ADAMTSL1: variants seen among roughly 807,000 people sequenced by gnomAD.
ADAMTSL1 encodes the protein ADAMTS like 1, also known as ADAMTS-like protein 1.
In ADAMTSL1, 126 loss-of-function variants were observed where a neutral mutation model predicts 201.8. The ratio of observed to expected loss-of-function variants is 0.62; its 90% CI spans 0.54 to 0.72. ADAMTSL1 has a LOEUF of 0.72. ADAMTSL1 is among the 30% of genes least tolerant of loss of function. The pLI, the probability that ADAMTSL1 is intolerant of heterozygous loss-of-function variation, is 0.00. For synonymous variants in ADAMTSL1, 1,121 were observed against 903.4 expected (o/e 1.24, Z -4.32); for missense variants, 2,679 against 2,277.8 (o/e 1.18, Z -3.59).
chr9:18,601,662 G>T (rs1053935427), intron 4 of ADAMTSL1, among the ~76,000 whole-genome samples: 2 of 151,836 alleles, frequency 1.3e-5, no homozygotes, highest in African/African-American at 4.8e-5. Flanking sequence ...TTAGGGATTT[G>T]GTCTATATGA....
intron 15 of ADAMTSL1, among the ~76,000 whole-genome samples, chr9:18,744,645 C>G (rs755414014): frequency 2.0e-5 from 3 of 152,222 alleles, no homozygotes; most frequent in African/African-American, 4.8e-5. Flanking sequence ...CATAACAGCC[C>G]TGGGAAGTAG....
intron 2 of ADAMTSL1, among the ~76,000 whole-genome samples, chr9:18,417,173 T>C (rs377669516): frequency 6.6e-6 from 1 of 151,868 alleles, no homozygotes; most frequent in Admixed American, 6.6e-5. Flanking sequence ...AAGTAAGCCA[T>C]GTACCAAAGA....
intron 1 of ADAMTSL1, among the ~76,000 whole-genome samples, chr9:18,112,443 G>T (rs1825064511): frequency 6.6e-6 from 1 of 151,618 alleles, no homozygotes; most frequent in African/African-American, 2.4e-5. Context: ...AGACTCAGTT[G>T]CCCATAACAG....
intron 15 of ADAMTSL1, among the ~76,000 whole-genome samples, chr9:18,751,594 G>T (rs1819471401): frequency 6.6e-6 from 1 of 152,146 alleles, no homozygotes; most frequent in Non-Finnish European, 1.5e-5. Flanking sequence ...CTATCTAAAA[G>T]GTGTTCTGAT....
At chr9:18,892,698 T>C in intron 26 of ADAMTSL1, 102 bp downstream of exon 26, 1 of 1,327,470 alleles carries the variant, frequency 7.5e-7, no homozygotes, top group Non-Finnish European at 1.0e-6. Context: ...CACCTCCTCC[T>C]TTCACATTCT....
intron 1 of ADAMTSL1, among the ~76,000 whole-genome samples, chr9:17,909,036 C>A (rs1474686711): frequency 2.0e-5 from 3 of 149,960 alleles, no homozygotes; most frequent in Non-Finnish European, 4.4e-5. Context: ...GATGGTATCT[C>A]ATTGTGGTTT....
At chr9:18,896,180 A>C (rs978851876) in intron 26 of ADAMTSL1, among the ~76,000 whole-genome samples, 1 of 152,226 alleles carries the variant, frequency 6.6e-6, no homozygotes, top group African/African-American at 2.4e-5. Flanking sequence ...ATGGCCAAAA[A>C]CTTTCCAAAT....
At chr9:18,026,324 C>T (rs1010204649) in intron 1 of ADAMTSL1, among the ~76,000 whole-genome samples, 2 of 151,946 alleles carry the variant, frequency 1.3e-5, no homozygotes, top group African/African-American at 4.8e-5. Flanking sequence ...ACCCATTCAG[C>T]ATGATGTTGA....
At chr9:17,983,691 T>A (rs373154738) in intron 1 of ADAMTSL1, among the ~76,000 whole-genome samples, 3 of 152,326 alleles carry the variant, frequency 2.0e-5, no homozygotes, top group African/African-American at 7.2e-5. Flanking sequence ...TGGCTACATG[T>A]ATAGACAGAA....
chr9:18,218,953 T>C (rs573650314), intron 2 of ADAMTSL1, among the ~76,000 whole-genome samples: 1 of 152,208 alleles, frequency 6.6e-6, no homozygotes, highest in South Asian at 2.1e-4. Flanking sequence ...GGTTCTAATT[T>C]GATCTTTTCT....
chr9:18,453,220 G>A (rs1205962268), intron 2 of ADAMTSL1, among the ~76,000 whole-genome samples: 1 of 152,150 alleles, frequency 6.6e-6, no homozygotes, highest in Non-Finnish European at 1.5e-5. Flanking sequence ...GGGTGGATGA[G>A]GAGCAAAGTG....
intron 23 of ADAMTSL1, among the ~76,000 whole-genome samples, chr9:18,841,919 C>T (rs993377222): frequency 6.6e-6 from 1 of 151,732 alleles, no homozygotes; most frequent in African/African-American, 2.4e-5. Flanking sequence ...CTATTTGATT[C>T]TTCTCTCTTT....
chr9:18,475,629 A>G (rs760451394), intron 1 of ADAMTSL1, among the ~76,000 whole-genome samples: 1 of 152,246 alleles, frequency 6.6e-6, no homozygotes, highest in Admixed American at 6.5e-5. Context: ...TACAAAGAAC[A>G]GAATGTTTAG....
intron 23 of ADAMTSL1, among the ~76,000 whole-genome samples, chr9:18,881,887 T>C (rs887744396): frequency 1.3e-5 from 2 of 152,118 alleles, no homozygotes; most frequent in Non-Finnish European, 2.9e-5. Context: ...TCTACCCTAT[T>C]CTCATCTGCA....
At chr9:18,830,643 T>C (rs1483174197) in intron 23 of ADAMTSL1, among the ~76,000 whole-genome samples, 2 of 151,572 alleles carry the variant, frequency 1.3e-5, no homozygotes, top group African/African-American at 2.4e-5. Context: ...ACGAGAATCA[T>C]GAAGATGCCG....
At chr9:18,677,682 G>A (rs1226154273) in intron 10 of ADAMTSL1, among the ~76,000 whole-genome samples, 1 of 151,902 alleles carries the variant, frequency 6.6e-6, no homozygotes, top group East Asian at 1.9e-4. Flanking sequence ...TTATAGGTTG[G>A]GATTTTTCTC....
chr9:18,523,618 A>G (rs951009299), intron 2 of ADAMTSL1, among the ~76,000 whole-genome samples: 3 of 151,126 alleles, frequency 2.0e-5, no homozygotes, highest in Non-Finnish European at 2.9e-5. Flanking sequence ...TAATTTTTGT[A>G]TAAGGTGTAA....
Position 18,706,776 on chromosome 9 carries a change from C to G in ADAMTSL1, c.1604C>G (p.Thr535Arg). The change falls in exon 14 of 29, where the codon ACA becomes AGA. Residue 535 changes from threonine to arginine, a missense_variant. Coordinates refer to ENST00000380548, the MANE Select transcript of ADAMTSL1 (RefSeq NM_001040272.6). ...SFIPEAWSACTVTCGVGTQVR... is the reference protein window; with the variant it reads ...SFIPEAWSACRVTCGVGTQVR... ...ATCCCAGAGGCCTGGTCGGCCTGCACAGTCACCTGTGGTGTGGGGACCCAG... is the reference window on the plus strand; with the variant it reads ...ATCCCAGAGGCCTGGTCGGCCTGCAGAGTCACCTGTGGTGTGGGGACCCAG... 1 of 1,607,626 alleles carries G rather than the reference C, an allele frequency of 6.2e-7. No homozygotes were observed.
At chr9:18,165,328 T>C (rs1827584957) in intron 2 of ADAMTSL1, among the ~76,000 whole-genome samples, 1 of 151,912 alleles carries the variant, frequency 6.6e-6, no homozygotes, top group Non-Finnish European at 1.5e-5. Flanking sequence ...GTCTAATTAT[T>C]ATATCATTTA....
Sources: gnomAD v4.1 joint callset for allele counts (sites outside exome capture counted in the v4.1 genomes callset) on GRCh38, gnomAD v4.1.1 for gene constraint, MANE v1.5 for transcripts, NCBI Gene and HGNC (gene_info 2026-07-23, HGNC 2026-07-21) for gene names.